DAGLB: variants seen among roughly 807,000 people sequenced by gnomAD.
DAGLB encodes diacylglycerol lipase-beta.
In DAGLB, 66 loss-of-function variants were observed where a neutral mutation model predicts 72.1. The observed-to-expected ratio is 0.92, with a 90% CI of 0.75 to 1.12. DAGLB has a LOEUF of 1.12. Among genes scored for constraint, DAGLB ranks in the 50% most tolerant of loss-of-function variants. The pLI, the probability that DAGLB is intolerant of heterozygous loss-of-function variation, is 0.00. For missense variants in DAGLB, 1,065 were observed against 884.9 expected (o/e 1.20, Z -2.58); for synonymous variants, 414 against 359.5 (o/e 1.15, Z -1.71).
chr7:6,441,523 T>C (rs886222662), intron 2 of DAGLB, among the ~76,000 whole-genome samples: 4 of 150,988 alleles, frequency 2.6e-5, no homozygotes, highest in Non-Finnish European at 4.4e-5. Flanking sequence ...GTTCAAGCGA[T>C]TCTCCTGCCT....
At chr7:6,438,097 G>T (rs836542) in intron 2 of DAGLB, among the ~76,000 whole-genome samples, 47,157 of 151,808 alleles carry the variant, frequency 0.31, 11,176 homozygotes, top group African/African-American at 0.66. Flanking sequence ...GCAAACTATC[G>T]CAAGGACAGA....
chr7:6,447,869 G>T lies in DAGLB; in HGVS notation c.-27C>A. On this transcript the variant is annotated 5_prime_UTR_variant, in exon 1 of 15. In the 5' UTR this introduces an upstream ATG that the reference lacks. Transcript: ENST00000297056. ...GCGAAGGTCCCGTAGCTCGCACTCA[G>T]GAGAGACCCCGCGCGCCGTTCACCG... 6.3e-7 allele frequency: 1 copy of T among 1,587,280 alleles called. No individual in the cohort carries two copies. Among genetic ancestry groups the T allele is most frequent in the Non-Finnish European group, 8.5e-7 (1 of 1,169,598 alleles).
chr7:6,434,724 A>G (rs748588985), intron 4 of DAGLB, 38 bp downstream of exon 4: 1 of 1,608,238 alleles, frequency 6.2e-7, no homozygotes, highest in East Asian at 2.2e-5. Context: ...ATTTACTGAA[A>G]CAGAAGAAAC....
rs758391168 is a variant in DAGLB, at chr7:6,413,001, G to T, written c.1461C>A (p.Ile487=). ...CATCCTTCCCCAGGACGAGTGACACGATGAAGCTCTGAGAATATTCCTGCA... is the reference window on the plus strand; with the variant it reads ...CATCCTTCCCCAGGACGAGTGACACTATGAAGCTCTGAGAATATTCCTGCA... ...KALQEYSQSF[I]VSLVLGKDVI... The change falls in exon 12 of 15, where the codon ATC becomes ATA. Residue 487 remains isoleucine (I), a synonymous_variant. Coordinates refer to ENST00000297056, the MANE Select transcript of DAGLB (RefSeq NM_139179.4). 1 of 1,613,892 alleles carries T rather than the reference G, an allele frequency of 6.2e-7. No individual in the cohort carries two copies. Among genetic ancestry groups the T allele is most frequent in the East Asian group, 2.2e-5 (1 of 44,866 alleles).
chr7:6,419,289 C>T lies in DAGLB; in HGVS notation c.1219-2368G>A, dbSNP rs557489346. 2.6e-5 allele frequency among the ~76,000 whole-genome samples: 4 copies of T among 152,166 alleles called. No individual in the cohort carries two copies. The East Asian group carries it at 7.7e-4, about 29-fold the overall frequency. On this transcript the variant is annotated intron_variant, in intron 9 of 14. Coordinates refer to ENST00000297056, the MANE Select transcript of DAGLB (RefSeq NM_139179.4). ...GGGATTACAGGTGTGAGCCACTGCA[C>T]CCGGCCCTGACAGCACTTCTTAACA...
At chr7:6,413,604 TGG>T (rs1783805587) in intron 11 of DAGLB, among the ~76,000 whole-genome samples, 1 of 146,318 alleles carries the variant, frequency 6.8e-6, no homozygotes, top group Admixed American at 7.0e-5. Context: ...CACTCCAGCC[TGG>T]GCGACAGAGC....
chr7:6,436,366 C>T lies in DAGLB; in HGVS notation c.415G>A (p.Val139Ile). The T allele has an allele frequency of 6.2e-7, 1 of 1,607,848 alleles. No homozygotes were observed. The highest frequency in any genetic ancestry group is 8.5e-7 in the Non-Finnish European group (1 of 1,178,102). Residue 139 changes from valine to isoleucine, a missense_variant, in exon 3 of 15, where the codon GTC becomes ATC. By Grantham distance (29) the Val-to-Ile change is conservative. Transcript: ENST00000297056. ...AGAGAAGAAGGGAGATGTCACCTGACCACGACGGTTGCGATGATGCCGTTT... is the reference window on the plus strand; with the variant it reads ...AGAGAAGAAGGGAGATGTCACCTGATCACGACGGTTGCGATGATGCCGTTT... ...VVNGIIATVV[V>I]SWIIIAATVV...
At chr7:6,426,851 G>C (rs995559990) in intron 6 of DAGLB, among the ~76,000 whole-genome samples, 1 of 152,212 alleles carries the variant, frequency 6.6e-6, no homozygotes, top group Non-Finnish European at 1.5e-5. Context: ...GCTGATGCCT[G>C]TAATCCGGCA....
At chr7:6,414,481 T>C (rs536909669) in intron 11 of DAGLB, among the ~76,000 whole-genome samples, 208 of 151,642 alleles carry the variant, frequency 1.4e-3, no homozygotes, top group Non-Finnish European at 2.1e-3. Flanking sequence ...TCCAGCTAAT[T>C]TTTGTAAGGA....
chr7:6,440,337 T>A, intron 2 of DAGLB, among the ~76,000 whole-genome samples: 1 of 150,612 alleles, frequency 6.6e-6, no homozygotes, highest in East Asian at 2.0e-4. Context: ...TGAGCCGAGA[T>A]CATGCCATTG....
intron 3 of DAGLB, 120 bp downstream of exon 3, chr7:6,436,242 C>T: frequency 3.9e-6 from 5 of 1,291,572 alleles, no homozygotes; most frequent in Non-Finnish European, 5.3e-6. Flanking sequence ...CAGAAACTAA[C>T]TCCAATTTCT....
At chr7:6,446,216 C>G in intron 1 of DAGLB, 112 bp from the exon 2 acceptor site, 1 of 1,123,232 alleles carries the variant, frequency 8.9e-7, no homozygotes, top group Non-Finnish European at 1.2e-6. Context: ...CACCTGTAAT[C>G]ACAGCACTTT....
Position 6,416,700 on chromosome 7 carries a change from G to A in DAGLB, c.1354C>T (p.Leu452=), listed in dbSNP as rs1783928416. Residue 452 remains leucine (L), a synonymous_variant, in exon 11 of 15, where the codon CTG becomes TTG. Transcript: ENST00000297056. ...TAGGCGGCTCTGAGCATGGTGGCCA[G>A]CAGGGCGGCCGCCCCGCCCCCGAGG... The part of the protein sequence containing the change: ...HSLGGGAAAL[L]ATMLRAAYPQ... 1 of 1,613,578 alleles carries A rather than the reference G, an allele frequency of 6.2e-7. No homozygotes were observed. Among genetic ancestry groups the A allele is most frequent in the African/African-American group, 1.3e-5 (1 of 74,934 alleles).
chr7:6,430,405 T>G (rs1274573323), intron 6 of DAGLB, 75 bp downstream of exon 6: 5 of 1,400,730 alleles, frequency 3.6e-6, no homozygotes, highest in Non-Finnish European at 4.7e-6. Context: ...TTCTTTCAAA[T>G]TTTTGAAATA....
chr7:6,432,928 G>A lies in DAGLB; in HGVS notation c.710C>T (p.Ala237Val), dbSNP rs148006210. The A allele has an allele frequency of 2.0e-3, 3,158 of 1,613,856 alleles. 7 individuals are homozygous for A. Among genetic ancestry groups the A allele is most frequent in the Non-Finnish European group, 2.3e-3 (2,738 of 1,179,950 alleles). Residue 237 changes from alanine (A) to valine (V), a missense_variant, in exon 5 of 15, where the codon GCG becomes GTG. Transcript: ENST00000297056. ...DTDLVPSDIA[A>V]GLALLHQQQD... ...TTGCTGATGAAGCAGGGCGAGGCCC[G>A]CCGCAATGTCGCTGGGCACCAGATC...
chr7:6,409,785 A>G lies in DAGLB; in HGVS notation c.*52T>C. On this transcript the variant is annotated 3_prime_UTR_variant, in exon 15 of 15. Coordinates refer to ENST00000297056, the MANE Select transcript of DAGLB (RefSeq NM_139179.4). ...AACTCCTCGGATGGTAAGTCAGTTT[A>G]AGGACAAAAGCGTGAGTCCATCGTT... The G allele has an allele frequency of 6.3e-7, 1 of 1,579,406 alleles. No individual in the cohort carries two copies. Among genetic ancestry groups the G allele is most frequent in the Non-Finnish European group, 8.6e-7 (1 of 1,160,344 alleles).
chr7:6,413,556 G>T (rs953133457), intron 11 of DAGLB, among the ~76,000 whole-genome samples: 2 of 152,074 alleles, frequency 1.3e-5, no homozygotes, highest in South Asian at 2.1e-4. Context: ...CATGAACCCG[G>T]GAGGCGGAGC....
chr7:6,434,556 T>G (rs1385107382), intron 4 of DAGLB, among the ~76,000 whole-genome samples: 1 of 152,144 alleles, frequency 6.6e-6, no homozygotes, highest in Non-Finnish European at 1.5e-5. Flanking sequence ...CATGTCCTAT[T>G]GGGACACAGG....
intron 4 of DAGLB, 149 bp downstream of exon 4, chr7:6,434,613 C>T: frequency 2.3e-6 from 3 of 1,278,088 alleles, no homozygotes; most frequent in Non-Finnish European, 3.3e-6. Context: ...CTGGAGGGCT[C>T]ATCACAGACA....
Sources: gnomAD v4.1 joint callset for allele counts (sites outside exome capture counted in the v4.1 genomes callset) on GRCh38, gnomAD v4.1.1 for gene constraint, MANE v1.5 for transcripts, NCBI Gene and HGNC (gene_info 2026-07-23, HGNC 2026-07-21) for gene names.